The following PLEKHG1 variants were observed in gnomAD, a reference collection of about 807,000 sequenced individuals.
The protein encoded by PLEKHG1 is pleckstrin homology and RhoGEF domain containing G1.
In PLEKHG1, 44 loss-of-function variants were observed where a neutral mutation model predicts 100.8. That is an observed-to-expected ratio of 0.44 (90% CI 0.34 to 0.56). The LOEUF is 0.56. PLEKHG1 is among the 20% of genes least tolerant of loss of function. The pLI is 0.01. For missense variants in PLEKHG1, 1,545 were observed against 1,720.9 expected (o/e 0.90, Z 1.81); for synonymous variants, 640 against 662.5 (o/e 0.97, Z 0.52).
At chr6:150,760,157 C>T (rs1326623421) in intron 2 of PLEKHG1, among the ~76,000 whole-genome samples, 3 of 152,116 alleles carry the variant, frequency 2.0e-5, no homozygotes, top group Non-Finnish European at 2.9e-5. Flanking sequence ...TTTCAAATTA[C>T]ACCAGTAGTC....
chr6:150,839,342 C>G (rs1777391831), intron 15 of PLEKHG1, among the ~76,000 whole-genome samples: 1 of 152,174 alleles, frequency 6.6e-6, no homozygotes, highest in South Asian at 2.1e-4. Context: ...TCTTGAACTC[C>G]TGACCTCAAG....
rs1032346741 is a variant in PLEKHG1 at position 150,817,569 on chromosome 6, T to G, written c.1279-614T>G. Among the ~76,000 whole-genome samples the G allele has an allele frequency of 4.7e-5, 7 of 150,100 alleles. No homozygotes were observed. In the East Asian group the frequency reaches 1.4e-3, roughly 29 times the overall value. On this transcript the variant is annotated intron_variant, in intron 10 of 15. Coordinates refer to ENST00000358517, the Ensembl canonical transcript of PLEKHG1. ...AAGAATCTGCATTTTTTTTTTTTTT[T>G]TTTTTTGAGACGGAGTCTTGCTCTG...
At chr6:150,826,334 T>A (rs1394570588) in intron 14 of PLEKHG1, among the ~76,000 whole-genome samples, 1 of 151,732 alleles carries the variant, frequency 6.6e-6, no homozygotes, top group African/African-American at 2.4e-5. Flanking sequence ...GGCATGCACC[T>A]GTAGTCCCAG....
intron 3 of PLEKHG1, among the ~76,000 whole-genome samples, chr6:150,782,393 C>CA (rs1234700973): frequency 1.3e-5 from 2 of 151,674 alleles, no homozygotes; most frequent in African/African-American, 4.8e-5. Context: ...GACTCTGTCT[C>CA]AAAAAAATAA....
intron 3 of PLEKHG1, among the ~76,000 whole-genome samples, chr6:150,774,607 T>C (rs985310683): frequency 2.1e-5 from 3 of 142,260 alleles, no homozygotes; most frequent in Admixed American, 7.5e-5. Context: ...AATGGCACGA[T>C]CTTGGGTCAC....
chr6:150,840,453 G>A, exon 16 of PLEKHG1: 1 of 1,614,188 alleles, frequency 6.2e-7, no homozygotes, highest in South Asian at 1.1e-5. Flanking sequence ...AAAACTCTCA[G>A]ATCTCACACT....
At chr6:150,666,762 ATTTT>A (rs556659789) in intron 3 of PLEKHG1, among the ~76,000 whole-genome samples, 4 of 143,052 alleles carry the variant, frequency 2.8e-5, no homozygotes, top group Admixed American at 7.0e-5. Context: ...TGCATTGATA[ATTTT>A]TTTTTTTTTT....
At chr6:150,821,499 C>G (rs1776297146) in intron 13 of PLEKHG1, among the ~76,000 whole-genome samples, 1 of 152,080 alleles carries the variant, frequency 6.6e-6, no homozygotes, top group Non-Finnish European at 1.5e-5. Flanking sequence ...GCCTGGCCAA[C>G]ATGGTGAAAC....
chr6:150,683,800 C>T lies in PLEKHG1; in HGVS notation c.-99+33014C>T, dbSNP rs1223767788. On this transcript the variant is annotated intron_variant, in intron 3 of 3. Transcript: ENST00000367326. The surrounding 1 kb of genome is among the most constrained non-coding windows in gnomAD (Gnocchi z 4.0). ...TTGGTGGGGCGGAAGAGGCAGGAAA[C>T]TGCTGCCTGGACAAATCGTGTTCTG... The T allele has an allele frequency of 7.8e-7, 1 of 1,288,724 alleles. No individual in the cohort carries two copies. Among genetic ancestry groups the T allele is most frequent in the South Asian group, 1.2e-5 (1 of 80,968 alleles). 79.8% of individuals were successfully genotyped at this position (1,288,724 alleles called of 1,614,324 possible).
chr6:150,808,388 G>A (rs1787269980), intron 7 of PLEKHG1, among the ~76,000 whole-genome samples: 1 of 151,864 alleles, frequency 6.6e-6, no homozygotes, highest in Admixed American at 6.6e-5. Context: ...TCAGTATCCG[G>A]AAGAAAGTCT....
rs543003445 is a variant in PLEKHG1 at position 150,802,183 on chromosome 6, G to A, written c.780+1314G>A. On this transcript the variant is annotated intron_variant, in intron 6 of 15. Coordinates refer to ENST00000358517, the Ensembl canonical transcript of PLEKHG1. ...TCTTTACTAGCAATTTCTTAGCTTTGTCTGTTTGCCTGGGTAGCTCATCTT... is the reference window on the plus strand; with the variant it reads ...TCTTTACTAGCAATTTCTTAGCTTTATCTGTTTGCCTGGGTAGCTCATCTT... Among the ~76,000 whole-genome samples the A allele has an allele frequency of 2.0e-5, 3 of 152,184 alleles. 1 individual carries two copies. Among genetic ancestry groups the A allele is most frequent in the East Asian group, 3.9e-4 (2 of 5,184 alleles).
chr6:150,623,739 G>A (rs1277081989), intron 1 of PLEKHG1, among the ~76,000 whole-genome samples: 1 of 152,128 alleles, frequency 6.6e-6, no homozygotes, highest in Non-Finnish European at 1.5e-5. Context: ...TCTTCACCCA[G>A]CCAGACCCAC....
At chr6:150,785,531 C>T (rs1785573824) in intron 3 of PLEKHG1, among the ~76,000 whole-genome samples, 2 of 152,136 alleles carry the variant, frequency 1.3e-5, no homozygotes, top group South Asian at 4.1e-4. Flanking sequence ...AATAATGATA[C>T]TCCTAGTAAA....
chr6:150,694,706 A>G (rs533481234), intron 3 of PLEKHG1, among the ~76,000 whole-genome samples: 1 of 151,702 alleles, frequency 6.6e-6, no homozygotes, highest in African/African-American at 2.4e-5. Flanking sequence ...TCAAAAAAAA[A>G]AAAAATAAAA....
chr6:150,654,425 G>T (rs958900199), intron 3 of PLEKHG1, among the ~76,000 whole-genome samples: 1 of 152,208 alleles, frequency 6.6e-6, no homozygotes, highest in African/African-American at 2.4e-5. Context: ...CTTCCCTGGA[G>T]GGTAGGCATC....
intron 2 of PLEKHG1, among the ~76,000 whole-genome samples, chr6:150,761,341 T>C (rs1784152046): frequency 6.6e-6 from 1 of 152,024 alleles, no homozygotes; most frequent in Admixed American, 6.6e-5. Context: ...CTTGACCTTG[T>C]GATCCACCCA....
chr6:150,768,463 A>G (rs1784550155), intron 2 of PLEKHG1, among the ~76,000 whole-genome samples, 175 bp from the exon 4 acceptor site: 1 of 152,260 alleles, frequency 6.6e-6, no homozygotes, highest in South Asian at 2.1e-4. Context: ...TCTTCGTTCT[A>G]TAAATAGGTG....
rs542582557 is a variant in PLEKHG1, at chr6:150,783,830, A to C, written c.513-2560A>C. 4.6e-5 allele frequency among the ~76,000 whole-genome samples: 7 copies of C among 152,348 alleles called. No homozygotes were observed. The South Asian group carries it at 1.4e-3, about 32-fold the overall frequency. On this transcript the variant is annotated intron_variant, in intron 3 of 15. Coordinates refer to ENST00000358517, the Ensembl canonical transcript of PLEKHG1. ...TAAGATGTCTATTTATTTAATACTA[A>C]AAAAGAACAAGCCCACATATTTCTA...
At chr6:150,765,996 A>G (rs1784436024) in intron 2 of PLEKHG1, among the ~76,000 whole-genome samples, 1 of 152,220 alleles carries the variant, frequency 6.6e-6, no homozygotes, top group Admixed American at 6.5e-5. Flanking sequence ...GATATTTTCA[A>G]TAACACATAT....
Sources: allele counts gnomAD v4.1 joint callset (sites outside exome capture counted in the v4.1 genomes callset), GRCh38; gene constraint gnomAD v4.1.1; non-coding constraint Gnocchi (gnomAD v3.1); transcripts MANE v1.5; gene names NCBI Gene and HGNC (gene_info 2026-07-23, HGNC 2026-07-21).